The following NEK1 variants were observed in gnomAD, a reference collection of about 807,000 sequenced individuals.
The protein encoded by NEK1 is serine/threonine-protein kinase Nek1.
Under a neutral mutation model 182.1 loss-of-function variants are expected in NEK1, and 137 were observed. That is an observed-to-expected ratio of 0.75 (90% CI 0.65 to 0.87). The LOEUF (loss-of-function observed/expected upper bound fraction) is 0.87. Among genes scored for constraint, NEK1 ranks in the 40% least tolerant of loss-of-function variants. The pLI is 0.00. For synonymous variants in NEK1, 513 were observed against 492.2 expected, an observed-to-expected ratio of 1.04 and a Z score of -0.56; for missense variants, 1,391 against 1,494.4, an observed-to-expected ratio of 0.93 and a Z score of 1.14.
At chr4:169,605,972 C>T (rs971739629) in intron 2 of NEK1, among the ~76,000 whole-genome samples, 163 of 152,132 alleles carry the variant, frequency 1.1e-3, no homozygotes, top group African/African-American at 3.7e-3. Flanking sequence ...TAACCATCTG[C>T]CTTTTGTGGA....
rs1770585618 is a variant in NEK1 at position 169,602,028 on chromosome 4, T to C, written c.194A>G (p.Gln65Arg). Residue 65 changes from glutamine to arginine, a missense_variant, in exon 4 of 36, where the codon CAG (glutamine) becomes CGG (arginine). Transcript: ENST00000507142. ...CTGACCTTCAAATGATTCTCTATAC[T>C]GGACAATATTTGGATGCTTCATGTT... ...LANMKHPNIV[Q>R]YRESFEENGS... 1 of 1,612,142 alleles carries C rather than the reference T, an allele frequency of 6.2e-7. No individual in the cohort carries two copies. Among genetic ancestry groups the C allele is most frequent in the Non-Finnish European group, 8.5e-7 (1 of 1,178,342 alleles).
chr4:169,559,946 T>G (rs563562424), intron 16 of NEK1, among the ~76,000 whole-genome samples: 6 of 152,162 alleles, frequency 3.9e-5, no homozygotes, highest in Admixed American at 3.9e-4. Context: ...GAGGCAGAGG[T>G]TGCAGTGAGC....
At chr4:169,589,852 A>T (rs945522899) in intron 6 of NEK1, among the ~76,000 whole-genome samples, 11 of 152,212 alleles carry the variant, frequency 7.2e-5, no homozygotes, top group African/African-American at 2.7e-4. Context: ...TATCAAAATT[A>T]AAAACTTTTG....
intron 31 of NEK1, among the ~76,000 whole-genome samples, chr4:169,418,125 C>T (rs999368373): frequency 6.6e-5 from 10 of 152,162 alleles, no homozygotes; most frequent in African/African-American, 1.2e-4. Flanking sequence ...TCAAACTGAC[C>T]GGGAGGGAGG....
intron 8 of NEK1, among the ~76,000 whole-genome samples, chr4:169,588,249 A>T (rs1767849928): frequency 6.6e-6 from 1 of 152,122 alleles, no homozygotes; most frequent in African/African-American, 2.4e-5. Flanking sequence ...TGGTTTCCTT[A>T]TAAGAAGAGG....
intron 27 of NEK1, among the ~76,000 whole-genome samples, chr4:169,438,991 C>A (rs1738924395): frequency 6.6e-6 from 1 of 152,124 alleles, no homozygotes; most frequent in Non-Finnish European, 1.5e-5. Context: ...TTTTCCACTT[C>A]TCCGCCTCTA....
intron 23 of NEK1, among the ~76,000 whole-genome samples, chr4:169,486,789 A>T (rs925881326): frequency 6.6e-6 from 1 of 152,228 alleles, no homozygotes; most frequent in African/African-American, 2.4e-5. Context: ...AAAGTCTAAA[A>T]ATAAGACAAA....
At chr4:169,536,540 A>C (rs1758542297) in intron 19 of NEK1, among the ~76,000 whole-genome samples, 1 of 152,146 alleles carries the variant, frequency 6.6e-6, no homozygotes, top group Non-Finnish European at 1.5e-5. Context: ...TACAAATGCT[A>C]ATCAAATTCA....
chr4:169,408,426 GATTT>G (rs577730959), intron 31 of NEK1, among the ~76,000 whole-genome samples: 77 of 151,256 alleles, frequency 5.1e-4, no homozygotes, highest in Non-Finnish European at 7.6e-4. Flanking sequence ...TTTCCCTATA[GATTT>G]ATTTATTCTC....
At chr4:169,444,964 A>G (rs1255286517) in intron 27 of NEK1, among the ~76,000 whole-genome samples, 1 of 152,238 alleles carries the variant, frequency 6.6e-6, no homozygotes, top group African/African-American at 2.4e-5. Flanking sequence ...GAAACTGTAC[A>G]TATACATGGA....
In NEK1 at chr4:169,571,187, T is replaced by TAAAA. The variant is rs1463978661; in HGVS notation, c.1020+5740_1020+5741insTTTT. 1.0e-3 allele frequency among the ~76,000 whole-genome samples: 90 copies of TAAAA among 88,766 alleles called. No individual in the cohort carries two copies. The East Asian group carries it at 0.015, about 14-fold the overall frequency. The allele number at this position is 88,766 out of a possible 152,430, so 58.2% of individuals were successfully genotyped here. On this transcript the variant is annotated intron_variant, in intron 12 of 35. Transcript: ENST00000507142. ...CAAGAATGATCAATAAAAAAATAAA[T>TAAAA]AAATAAATAAATAAATAAATAAATA...
chr4:169,596,411 A>G (rs1300092845), intron 5 of NEK1, among the ~76,000 whole-genome samples: 1 of 152,234 alleles, frequency 6.6e-6, no homozygotes, highest in Non-Finnish European at 1.5e-5. Flanking sequence ...TTATGGTCAC[A>G]TGTGGGGAGA....
At chr4:169,536,481 T>C (rs957469645) in intron 19 of NEK1, among the ~76,000 whole-genome samples, 1 of 151,954 alleles carries the variant, frequency 6.6e-6, no homozygotes, top group Non-Finnish European at 1.5e-5. Context: ...TAATACAATA[T>C]CCAGTCAAAA....
At chr4:169,598,033 A>G (rs1246837554) in intron 5 of NEK1, among the ~76,000 whole-genome samples, 1 of 152,194 alleles carries the variant, frequency 6.6e-6, no homozygotes, top group Non-Finnish European at 1.5e-5. Context: ...AAGTATGGAA[A>G]AGAAAGTCTG....
At chr4:169,485,665 C>G (rs1468092390) in intron 23 of NEK1, among the ~76,000 whole-genome samples, 2 of 151,966 alleles carry the variant, frequency 1.3e-5, no homozygotes, top group Admixed American at 1.3e-4. Flanking sequence ...AAAGAATGAC[C>G]CAATTTTATT....
intron 6 of NEK1, among the ~76,000 whole-genome samples, chr4:169,590,321 T>TAGACAGAC (rs11270666): frequency 0.092 from 13,887 of 150,986 alleles, 720 homozygotes; most frequent in East Asian, 0.15. Context: ...AAACAATAGA[T>TAGACAGAC]AGACAGACAG....
At chr4:169,417,033 A>G (rs548826448) in intron 31 of NEK1, among the ~76,000 whole-genome samples, 2 of 152,362 alleles carry the variant, frequency 1.3e-5, no homozygotes, top group South Asian at 4.1e-4. Context: ...CATGTCCTAT[A>G]ACTGTAATTT....
At chr4:169,563,062 A>G (rs1327140351) in intron 12 of NEK1, among the ~76,000 whole-genome samples, 1 of 152,094 alleles carries the variant, frequency 6.6e-6, no homozygotes, top group Non-Finnish European at 1.5e-5. Flanking sequence ...GGTCTATTCT[A>G]AAGTATTTGG....
intron 19 of NEK1, among the ~76,000 whole-genome samples, chr4:169,527,730 C>A (rs1169506978): frequency 2.0e-5 from 3 of 151,746 alleles, no homozygotes; most frequent in African/African-American, 7.3e-5. Flanking sequence ...CTAAAGGCAG[C>A]AGGGAAATGG....
Sources: allele counts gnomAD v4.1 joint callset (sites outside exome capture counted in the v4.1 genomes callset), GRCh38; gene constraint gnomAD v4.1.1; transcripts MANE v1.5; gene names NCBI Gene and HGNC (gene_info 2026-07-23, HGNC 2026-07-21).